Variants in GREB1L observed in about 807,000 individuals in gnomAD.
GREB1L encodes GREB1-like protein.
A neutral mutation model predicts 200.8 loss-of-function variants in GREB1L; 17 were observed. That is an observed-to-expected ratio of 0.08 (90% CI 0.06 to 0.13). The LOEUF (loss-of-function observed/expected upper bound fraction) is 0.13. GREB1L is among the 10% of genes least tolerant of loss of function. The probability of loss-of-function intolerance (pLI) is 1.00; values close to 1 mark genes in which losing one functional copy is unlikely to be tolerated. For missense variants in GREB1L, 1,657 were observed against 2,367.7 expected (o/e 0.70, Z 6.23); for synonymous variants, 789 against 893.0 (o/e 0.88, Z 2.08).
Position 21,525,261 on chromosome 18 carries a change from G to A in GREB1L, c.*2440G>A, listed in dbSNP as rs368712541. On this transcript the variant is annotated 3_prime_UTR_variant, in exon 33 of 33. Coordinates refer to ENST00000424526, the MANE Select transcript of GREB1L (RefSeq NM_001142966.3). ...GTGATTTTTAGAAAATGGGGCACCC[G>A]TGTTATTACTGTAAAATGTTCTTAA... 87 of 152,136 alleles carry A rather than the reference G, an allele frequency of 5.7e-4. No individual in the cohort carries two copies. The highest frequency in any genetic ancestry group is 1.9e-3 in the African/African-American group (80 of 41,504). The allele number at this position is 152,136 out of a possible 1,614,324, so 9.4% of individuals were successfully genotyped here. A position where few individuals can be genotyped will look rare whatever the true frequency, so the allele number is the denominator to read the frequency against.
At chr18:21,515,764 G>C in intron 29 of GREB1L, 120 bp downstream of exon 29, 1 of 754,014 alleles carries the variant, frequency 1.3e-6, no homozygotes, top group Non-Finnish European at 2.1e-6. Context: ...TCTTTATGTG[G>C]GCAAGGAGAA....
intron 1 of GREB1L, among the ~76,000 whole-genome samples, chr18:21,262,126 G>A (rs538206146): frequency 6.6e-6 from 1 of 152,142 alleles, no homozygotes; most frequent in East Asian, 1.9e-4. Flanking sequence ...TATGACACAC[G>A]GTCAGACACA....
intron 17 of GREB1L, among the ~76,000 whole-genome samples, chr18:21,478,108 T>C (rs2035779078): frequency 6.6e-6 from 1 of 152,200 alleles, no homozygotes; most frequent in South Asian, 2.1e-4. Context: ...TCTGCATCAC[T>C]GTTAATTACT....
At chr18:21,492,729 C>A (rs1422963551) in intron 19 of GREB1L, among the ~76,000 whole-genome samples, 2 of 152,190 alleles carry the variant, frequency 1.3e-5, no homozygotes, top group African/African-American at 4.8e-5. Flanking sequence ...TACGACTTCT[C>A]AAGGCAGTGA....
intron 7 of GREB1L, among the ~76,000 whole-genome samples, chr18:21,431,344 A>T (rs903831098): frequency 1.5e-4 from 23 of 152,262 alleles, no homozygotes; most frequent in Non-Finnish European, 3.1e-4. Flanking sequence ...TTTATTTTAA[A>T]GTTGTATACA....
intron 7 of GREB1L, among the ~76,000 whole-genome samples, chr18:21,420,849 CT>C (rs1237294114): frequency 6.6e-6 from 1 of 152,140 alleles, no homozygotes. Flanking sequence ...TTGATAGCAG[CT>C]TTCTTTGTAA....
intron 1 of GREB1L, among the ~76,000 whole-genome samples, chr18:21,269,447 C>T (rs8083905): frequency 1 from 151,697 of 152,328 alleles, 75,537 homozygotes; most frequent in Middle Eastern, 1. Flanking sequence ...ACATGTCTTA[C>T]GGCTTCATGC....
chr18:21,339,155 C>T (rs1009795425), intron 1 of GREB1L, among the ~76,000 whole-genome samples: 1 of 151,770 alleles, frequency 6.6e-6, no homozygotes, highest in East Asian at 1.9e-4. Flanking sequence ...CCTCTGCACT[C>T]CATCCTGGGT....
At chr18:21,490,644 T>G (rs1053587757) in intron 19 of GREB1L, among the ~76,000 whole-genome samples, 5 of 152,176 alleles carry the variant, frequency 3.3e-5, no homozygotes, top group Non-Finnish European at 5.9e-5. Context: ...TTGGCCTTGT[T>G]CAAGATGCAT....
chr18:21,280,406 T>TA (rs778574943), intron 1 of GREB1L, among the ~76,000 whole-genome samples: 23 of 151,698 alleles, frequency 1.5e-4, no homozygotes, highest in Non-Finnish European at 2.4e-4. Flanking sequence ...TTTTTTTTTT[T>TA]ACTGAATAAT....
chr18:21,520,310 A>AT (rs1568082960), intron 31 of GREB1L, among the ~76,000 whole-genome samples: 5 of 152,146 alleles, frequency 3.3e-5, no homozygotes, highest in Middle Eastern at 6.8e-3. Flanking sequence ...GATCAAAAAT[A>AT]TTTTTTATTC....
intron 7 of GREB1L, among the ~76,000 whole-genome samples, chr18:21,429,373 T>C (rs2032967499): frequency 6.7e-6 from 1 of 148,368 alleles, no homozygotes; most frequent in Non-Finnish European, 1.5e-5. Context: ...GACAGGGTCT[T>C]GTTCTGTAAC....
rs2037659336 is a variant in GREB1L, at chr18:21,524,926, C to T, written c.*2105C>T. On this transcript the variant is annotated 3_prime_UTR_variant, in exon 33 of 33. Transcript: ENST00000424526. The stretch of plus-strand genomic sequence containing the variant: ...TACTAATGTTTGGATCTTTTAAAAT[C>T]ATCTTATCATCAGTATAATTCTTGA... 6.6e-6 allele frequency: 1 copy of T among 151,688 alleles called. No homozygotes were observed. 9.4% of individuals were successfully genotyped at this position (151,688 alleles called of 1,614,324 possible).
At chr18:21,463,193 T>G (rs773937563) in intron 15 of GREB1L, among the ~76,000 whole-genome samples, 3 of 125,802 alleles carry the variant, frequency 2.4e-5, no homozygotes, top group Non-Finnish European at 4.8e-5. Flanking sequence ...TCCCCCAGGC[T>G]GGAGTGCAGT....
intron 23 of GREB1L, among the ~76,000 whole-genome samples, chr18:21,503,743 G>A (rs1966059): frequency 0.99 from 150,306 of 151,602 alleles, 74,524 homozygotes; most frequent in Non-Finnish European, 1. Flanking sequence ...CACCCAGCTA[G>A]TTTTTTGTAT....
At chr18:21,415,884 G>T (rs1022854710) in intron 7 of GREB1L, among the ~76,000 whole-genome samples, 3 of 151,946 alleles carry the variant, frequency 2.0e-5, no homozygotes, top group African/African-American at 4.8e-5. Context: ...CAAAGCTCAA[G>T]GATATTTATA....
At chr18:21,275,652 TAAATA>T (rs373971513) in intron 1 of GREB1L, among the ~76,000 whole-genome samples, 13 of 152,250 alleles carry the variant, frequency 8.5e-5, no homozygotes, top group African/African-American at 2.2e-4. Context: ...ATGACAGGAT[TAAATA>T]AAATAAAGTG....
intron 1 of GREB1L, among the ~76,000 whole-genome samples, chr18:21,312,526 ATTCT>A (rs2038807209): frequency 6.6e-6 from 1 of 150,482 alleles, no homozygotes; most frequent in Non-Finnish European, 1.5e-5. Context: ...TTCTTTTTTT[ATTCT>A]TTATTTTATT....
At chr18:21,315,210 C>T (rs1270325567) in intron 1 of GREB1L, among the ~76,000 whole-genome samples, 1 of 152,178 alleles carries the variant, frequency 6.6e-6, no homozygotes, top group African/African-American at 2.4e-5. Context: ...CCACTTCAGT[C>T]TCCCAAGTAG....
Sources: gnomAD v4.1 joint callset for allele counts (sites outside exome capture counted in the v4.1 genomes callset) on GRCh38, gnomAD v4.1.1 for gene constraint, MANE v1.5 for transcripts, NCBI Gene and HGNC (gene_info 2026-07-23, HGNC 2026-07-21) for gene names.